LAMA2: variants seen among roughly 807,000 people sequenced by gnomAD.
LAMA2 encodes laminin subunit alpha 2, also known as laminin subunit alpha-2.
Under a neutral mutation model 364.8 loss-of-function variants are expected in LAMA2, and 269 were observed. The ratio of observed to expected loss-of-function variants is 0.74; its 90% CI spans 0.67 to 0.82. The LOEUF (loss-of-function observed/expected upper bound fraction) is 0.82. LAMA2 is among the 40% of genes least tolerant of loss of function. LAMA2 has a pLI of 0.00. For missense variants in LAMA2, 3,807 were observed against 3,873.2 expected (o/e 0.98, Z 0.45); for synonymous variants, 1,379 against 1,370.6 (o/e 1.01, Z -0.14).
chr6:129,492,589 T>C, intron 58 of LAMA2, 106 bp downstream of exon 58: 1 of 1,023,622 alleles, frequency 9.8e-7, no homozygotes, highest in Non-Finnish European at 1.5e-6. Flanking sequence ...GATATTAGAA[T>C]TGAAAGAAAT....
chr6:129,338,121 A>G (rs1170086254), intron 29 of LAMA2, among the ~76,000 whole-genome samples: 3 of 152,260 alleles, frequency 2.0e-5, no homozygotes. Context: ...ACTTACAGGT[A>G]TAAGAGAAAC....
chr6:129,047,438 A>T (rs1161367764), intron 1 of LAMA2, among the ~76,000 whole-genome samples: 1 of 152,192 alleles, frequency 6.6e-6, no homozygotes, highest in African/African-American at 2.4e-5. Context: ...AGTAAGTACC[A>T]TTGGCAAATC....
chr6:128,888,201 A>G (rs2114374618), intron 1 of LAMA2, among the ~76,000 whole-genome samples: 1 of 152,312 alleles, frequency 6.6e-6, no homozygotes, highest in African/African-American at 2.4e-5. Flanking sequence ...CCAAGCAGAT[A>G]GAAATAAAAC....
At chr6:128,907,275 A>G (rs2114438976) in intron 1 of LAMA2, among the ~76,000 whole-genome samples, 1 of 140,970 alleles carries the variant, frequency 7.1e-6, no homozygotes, top group East Asian at 2.1e-4. Context: ...TGAGCATGGA[A>G]TGTTCTTCCA....
intron 3 of LAMA2, among the ~76,000 whole-genome samples, chr6:129,065,147 G>A (rs1252222504): frequency 6.6e-6 from 1 of 152,060 alleles, no homozygotes; most frequent in Non-Finnish European, 1.5e-5. Flanking sequence ...TAGAATGAAG[G>A]ACAAAAATCA....
At chr6:129,069,167 G>T (rs970616169) in intron 3 of LAMA2, among the ~76,000 whole-genome samples, 7 of 151,876 alleles carry the variant, frequency 4.6e-5, no homozygotes, top group African/African-American at 1.7e-4. Flanking sequence ...TGAGGAAAGA[G>T]CTGTTAAAAT....
At chr6:129,181,777 A>G (rs1394063075) in intron 10 of LAMA2, among the ~76,000 whole-genome samples, 5 of 151,908 alleles carry the variant, frequency 3.3e-5, no homozygotes, top group African/African-American at 1.2e-4. Context: ...GGGAAACAAT[A>G]TTCAAAAAAA....
At chr6:128,910,969 C>G (rs948724310) in intron 1 of LAMA2, among the ~76,000 whole-genome samples, 1 of 151,268 alleles carries the variant, frequency 6.6e-6, no homozygotes, top group Admixed American at 6.6e-5. Context: ...GGTCAGGGAC[C>G]CACTTGAGGA....
Position 129,149,156 on chromosome 6 carries a change from T to C in LAMA2, c.1027+60T>C. ...CTTCCTTTCCAAGAAAAAAAGCCAGTAATGAAAAATAGTGAAATGGCTGGT... is the reference window on the plus strand; with the variant it reads ...CTTCCTTTCCAAGAAAAAAAGCCAGCAATGAAAAATAGTGAAATGGCTGGT... On this transcript the variant is annotated intron_variant, in intron 7 of 64. Coordinates refer to ENST00000421865, the MANE Select transcript of LAMA2 (RefSeq NM_000426.4). 10 of 1,054,068 alleles carry C rather than the reference T, an allele frequency of 9.5e-6. No homozygotes were observed. The South Asian group carries it at 1.3e-4, about 13-fold the overall frequency. The allele number at this position is 1,054,068 out of a possible 1,614,324, so 65.3% of individuals were successfully genotyped here.
At chr6:129,274,489 T>C (rs1788164436) in intron 17 of LAMA2, among the ~76,000 whole-genome samples, 1 of 151,954 alleles carries the variant, frequency 6.6e-6, no homozygotes, top group African/African-American at 2.4e-5. Flanking sequence ...TAGTTTTACC[T>C]TGGTGATTTA....
In LAMA2 at chr6:129,164,468, C is replaced by T. The variant is rs925724870; in HGVS notation, c.1207-1108C>T. 7.9e-5 allele frequency among the ~76,000 whole-genome samples: 12 copies of T among 152,158 alleles called. 1 individual carries two copies. Among genetic ancestry groups the T allele is most frequent in the East Asian group, 1.9e-4 (1 of 5,194 alleles). Reference sequence around the variant, plus strand: ...AATTTATCATCTCTACAGGACATTTCGGAGAATACAATGCAGACACTGGTT... The same window carrying T: ...AATTTATCATCTCTACAGGACATTTTGGAGAATACAATGCAGACACTGGTT... On this transcript the variant is annotated intron_variant, in intron 8 of 64. Transcript: ENST00000421865.
chr6:129,296,095 A>G (rs1471644219), intron 20 of LAMA2, among the ~76,000 whole-genome samples: 2 of 151,870 alleles, frequency 1.3e-5, no homozygotes, highest in African/African-American at 2.4e-5. Context: ...CTGCTTCAAA[A>G]CAGGATTTTA....
intron 34 of LAMA2, among the ~76,000 whole-genome samples, chr6:129,370,824 A>C (rs1292044181): frequency 6.6e-6 from 1 of 152,238 alleles, no homozygotes. Flanking sequence ...AGCTGGACCC[A>C]GTCTCAAGAT....
chr6:129,051,196 A>G (rs1344926644), intron 2 of LAMA2, among the ~76,000 whole-genome samples: 2 of 95,602 alleles, frequency 2.1e-5, no homozygotes, highest in African/African-American at 7.0e-5. Flanking sequence ...TATATATAAT[A>G]TATATATAAA....
chr6:129,071,406 A>G (rs2114819194), intron 3 of LAMA2, among the ~76,000 whole-genome samples: 1 of 152,072 alleles, frequency 6.6e-6, no homozygotes, highest in Non-Finnish European at 1.5e-5. Flanking sequence ...TATTGTATTG[A>G]ATCCTGCTCT....
In LAMA2 at chr6:129,393,190, A is replaced by G. The variant is rs1360082763; in HGVS notation, c.5380A>G (p.Thr1794Ala). Residue 1794 changes from threonine (T) to alanine (A), a missense_variant, in exon 37 of 65, where the codon ACA becomes GCA. This residue lies in a region of LAMA2 where 3,333 missense variants were observed against 3,345.7 expected (regional missense o/e 1.00). Transcript: ENST00000421865. ...DDAWDLLREA[T>A]DKIREANRLF... ...TGCTTGGGACCTTTTGAGAGAAGCC[A>G]CAGATAAAATCAGAGAAGCTAATCG... 5.6e-6 allele frequency: 9 copies of G among 1,614,012 alleles called. No individual in the cohort carries two copies. The highest frequency in any genetic ancestry group is 6.8e-6 in the Non-Finnish European group (8 of 1,179,974).
At chr6:128,898,254 C>G (rs1776885994) in intron 1 of LAMA2, among the ~76,000 whole-genome samples, 1 of 152,092 alleles carries the variant, frequency 6.6e-6, no homozygotes, top group Non-Finnish European at 1.5e-5. Flanking sequence ...TGCCACTATC[C>G]TGGTTATGGA....
At chr6:129,423,771 T>C (rs1216024630) in intron 40 of LAMA2, among the ~76,000 whole-genome samples, 1 of 152,022 alleles carries the variant, frequency 6.6e-6, no homozygotes, top group Non-Finnish European at 1.5e-5. Flanking sequence ...AAAATCTAAA[T>C]AAATCAAGAG....
At chr6:128,888,663 G>A (rs1776280899) in intron 1 of LAMA2, among the ~76,000 whole-genome samples, 1 of 152,170 alleles carries the variant, frequency 6.6e-6, no homozygotes, top group Non-Finnish European at 1.5e-5. Flanking sequence ...TCTGTACAGG[G>A]AGCAGGCCTA....
Sources: allele counts gnomAD v4.1 joint callset (sites outside exome capture counted in the v4.1 genomes callset), GRCh38; gene constraint gnomAD v4.1.1; regional missense constraint gnomAD v4.1.1; transcripts MANE v1.5; gene names NCBI Gene and HGNC (gene_info 2026-07-23, HGNC 2026-07-21).